CNTNAP2: variants seen among roughly 807,000 people sequenced by gnomAD.
CNTNAP2 encodes contactin associated protein 2.
A neutral mutation model predicts 155.2 loss-of-function variants in CNTNAP2; 98 were observed. The ratio of observed to expected loss-of-function variants is 0.63; its 90% confidence interval spans 0.54 to 0.75. CNTNAP2 has a LOEUF of 0.75. Among genes scored for constraint, CNTNAP2 ranks in the 30% least tolerant of loss-of-function variants. The pLI is 0.00. For missense variants in CNTNAP2, 1,727 were observed against 1,688.1 expected, an observed-to-expected ratio of 1.02 and a Z score of -0.40; for synonymous variants, 651 against 631.2, an observed-to-expected ratio of 1.03 and a Z score of -0.47.
At chr7:147,673,800 C>G (rs1795826006) in intron 13 of CNTNAP2, among the ~76,000 whole-genome samples, 2 of 152,092 alleles carry the variant, frequency 1.3e-5, no homozygotes, top group African/African-American at 4.8e-5. Context: ...TTAAATGAAT[C>G]ATTGAAAAAT....
chr7:146,596,677 A>T (rs1335215432), intron 1 of CNTNAP2, among the ~76,000 whole-genome samples: 1 of 137,906 alleles, frequency 7.3e-6, no homozygotes, highest in Admixed American at 7.1e-5. Context: ...TGGTGGTTTT[A>T]TTCATCACTA....
intron 3 of CNTNAP2, among the ~76,000 whole-genome samples, chr7:146,957,734 T>C (rs1797465552): frequency 6.6e-6 from 1 of 152,140 alleles, no homozygotes; most frequent in South Asian, 2.1e-4. Flanking sequence ...TGCATGCCTG[T>C]ATCAAAACAT....
intron 13 of CNTNAP2, among the ~76,000 whole-genome samples, chr7:147,890,594 C>A (rs747285528): frequency 3.3e-5 from 5 of 152,124 alleles, no homozygotes; most frequent in Non-Finnish European, 7.3e-5. Context: ...TCAACCCAAG[C>A]GTCCATGAAT....
intron 18 of CNTNAP2, among the ~76,000 whole-genome samples, chr7:148,182,294 A>C (rs12536530): frequency 0.42 from 63,210 of 151,888 alleles, 14,336 homozygotes; most frequent in Non-Finnish European, 0.49. Context: ...TGAGCCAAAA[A>C]GGAACTGGTC....
intron 14 of CNTNAP2, among the ~76,000 whole-genome samples, chr7:147,947,939 G>A (rs879782193): frequency 6.6e-6 from 1 of 151,894 alleles, no homozygotes; most frequent in African/African-American, 2.4e-5. Context: ...GATAATTTAG[G>A]CTTCCAAAGG....
rs1472700275 is a variant in CNTNAP2 at position 148,345,847 on chromosome 7, A to T, written c.3476-37802A>T. 2.6e-5 allele frequency among the ~76,000 whole-genome samples: 4 copies of T among 151,324 alleles called. No individual in the cohort carries two copies. In the East Asian group the frequency reaches 7.8e-4, roughly 29 times the overall value. On this transcript the variant is annotated intron_variant, in intron 21 of 23. Coordinates refer to ENST00000361727, the MANE Select transcript of CNTNAP2 (RefSeq NM_014141.6). ...TCCGTATTTTTATTTGTTCTGACTG[A>T]TTTTTTTTTCTTGGTGTGACATTTG...
At chr7:148,194,259 A>G (rs1490537164) in intron 18 of CNTNAP2, among the ~76,000 whole-genome samples, 2 of 151,886 alleles carry the variant, frequency 1.3e-5, no homozygotes, top group Non-Finnish European at 2.9e-5. Flanking sequence ...TGGTCCCCAA[A>G]GTGTTGAGAT....
At chr7:146,428,271 C>T (rs1399282542) in intron 1 of CNTNAP2, among the ~76,000 whole-genome samples, 1 of 152,094 alleles carries the variant, frequency 6.6e-6, no homozygotes, top group Non-Finnish European at 1.5e-5. Flanking sequence ...CATATTGGGA[C>T]TGCTGGGTCA....
chr7:148,214,469 T>G (rs1417936352), intron 18 of CNTNAP2, among the ~76,000 whole-genome samples: 2 of 152,266 alleles, frequency 1.3e-5, no homozygotes, highest in Non-Finnish European at 1.5e-5. Context: ...CACACTTCAG[T>G]AAGTCAGGCA....
rs531341384 is a variant in CNTNAP2, at chr7:147,290,554, G to A, written c.1349-9587G>A. On this transcript the variant is annotated intron_variant, in intron 8 of 23. Transcript: ENST00000361727. ...AAAAATTAGCCGAGCGTGGTGGCTTGTGCCTGTAATCCCAGCTACTCGGGA... is the reference window on the plus strand; with the variant it reads ...AAAAATTAGCCGAGCGTGGTGGCTTATGCCTGTAATCCCAGCTACTCGGGA... 1.3e-4 allele frequency among the ~76,000 whole-genome samples: 20 copies of A among 151,964 alleles called. No homozygotes were observed. In the East Asian group the frequency reaches 3.7e-3, roughly 28 times the overall value.
intron 2 of CNTNAP2, among the ~76,000 whole-genome samples, chr7:146,818,027 T>C (rs544506011): frequency 1.3e-5 from 2 of 152,342 alleles, no homozygotes; most frequent in South Asian, 2.1e-4. Context: ...CATGAATATT[T>C]AGAGTTAAAT....
chr7:146,166,692 C>A (rs1798317478), intron 1 of CNTNAP2, among the ~76,000 whole-genome samples: 1 of 152,160 alleles, frequency 6.6e-6, no homozygotes, highest in South Asian at 2.1e-4. Flanking sequence ...ACTATGAATA[C>A]TTAAATCCAG....
At chr7:148,176,680 A>G (rs547199899) in intron 18 of CNTNAP2, among the ~76,000 whole-genome samples, 5 of 152,200 alleles carry the variant, frequency 3.3e-5, no homozygotes, top group Non-Finnish European at 5.9e-5. Context: ...TAGACCATGC[A>G]GGCAGTCTCC....
At chr7:147,802,782 AGGGAGGGGGAGG>A (rs1168526740) in intron 13 of CNTNAP2, among the ~76,000 whole-genome samples, 3 of 44,290 alleles carry the variant, frequency 6.8e-5, no homozygotes, top group Non-Finnish European at 7.8e-5. Context: ...GGAGAGGGAG[AGGGAGGGGGAGG>A]GGGAGAGGGA....
intron 17 of CNTNAP2, among the ~76,000 whole-genome samples, chr7:148,161,639 T>A (rs1805544080): frequency 6.6e-6 from 1 of 152,056 alleles, no homozygotes; most frequent in South Asian, 2.1e-4. Flanking sequence ...CAGTGGTGTA[T>A]CTATACCACT....
chr7:147,485,183 C>T (rs1798489471), intron 10 of CNTNAP2, among the ~76,000 whole-genome samples: 1 of 152,174 alleles, frequency 6.6e-6, no homozygotes, highest in South Asian at 2.1e-4. Context: ...TATTTCCTGC[C>T]TATTAGTTGT....
chr7:147,090,087 G>A (rs1038639477), intron 4 of CNTNAP2, among the ~76,000 whole-genome samples: 1 of 152,136 alleles, frequency 6.6e-6, no homozygotes, highest in African/African-American at 2.4e-5. Context: ...AGAACAGTAA[G>A]GGAGGGTCCC....
chr7:147,938,680 C>G (rs779376881), intron 14 of CNTNAP2, among the ~76,000 whole-genome samples: 30 of 151,996 alleles, frequency 2.0e-4, no homozygotes, highest in Non-Finnish European at 4.1e-4. Flanking sequence ...TTTTAAGTAA[C>G]TAAACTGGTA....
chr7:148,117,549 G>A (rs1441568611), intron 15 of CNTNAP2, among the ~76,000 whole-genome samples: 1 of 152,184 alleles, frequency 6.6e-6, no homozygotes, highest in African/African-American at 2.4e-5. Flanking sequence ...TGGATGAAAA[G>A]CAAGAGCAAA....
Sources: gnomAD v4.1 joint callset for allele counts (sites outside exome capture counted in the v4.1 genomes callset) on GRCh38, gnomAD v4.1.1 for gene constraint, MANE v1.5 for transcripts, NCBI Gene and HGNC (gene_info 2026-07-23, HGNC 2026-07-21) for gene names.